The following ANK3 variants were observed in gnomAD, a reference collection of about 807,000 sequenced individuals.
The protein encoded by ANK3 is ankyrin-3.
Under a neutral mutation model 370.9 loss-of-function variants are expected in ANK3, and 57 were observed. The ratio of observed to expected loss-of-function variants is 0.15; its 90% CI spans 0.12 to 0.19. The LOEUF (loss-of-function observed/expected upper bound fraction) is 0.19. Ranked by LOEUF, ANK3 falls within the 10% of genes least tolerant of loss-of-function variation. The pLI, the probability that ANK3 is intolerant of heterozygous loss-of-function variation, is 1.00. For missense variants in ANK3, 4,439 were observed against 5,302.1 expected (o/e 0.84, Z 5.06); for synonymous variants, 1,929 against 1,946.3 (o/e 0.99, Z 0.23).
chr10:60,455,648 G>T (rs974407435), intron 2 of ANK3, among the ~76,000 whole-genome samples: 1 of 152,100 alleles, frequency 6.6e-6, no homozygotes, highest in Non-Finnish European at 1.5e-5. Flanking sequence ...AGTCAAAGAG[G>T]TGACTATAAT....
intron 1 of ANK3, among the ~76,000 whole-genome samples, chr10:60,336,422 G>A (rs776956336): frequency 6.6e-6 from 1 of 152,152 alleles, no homozygotes; most frequent in African/African-American, 2.4e-5. Context: ...TAAACTGTAA[G>A]CCCTGGATGC....
intron 26 of ANK3, among the ~76,000 whole-genome samples, chr10:60,110,851 G>A (rs965567412): frequency 6.6e-6 from 1 of 152,112 alleles, no homozygotes; most frequent in East Asian, 1.9e-4. Flanking sequence ...AGATTCAGTT[G>A]TGTCAGTACA....
At chr10:60,557,964 C>T (rs897064919) in intron 2 of ANK3, among the ~76,000 whole-genome samples, 1 of 152,084 alleles carries the variant, frequency 6.6e-6, no homozygotes, top group Non-Finnish European at 1.5e-5. Context: ...AATACAAAAA[C>T]TAGAACACAA....
At chr10:60,353,153 G>GTTTTTT (rs1481181095) in intron 1 of ANK3, among the ~76,000 whole-genome samples, 6 of 135,842 alleles carry the variant, frequency 4.4e-5, no homozygotes, top group South Asian at 2.5e-4. Flanking sequence ...GCTAATTTTT[G>GTTTTTT]TTTTGTTTTT....
intron 2 of ANK3, among the ~76,000 whole-genome samples, chr10:60,445,112 CTA>C (rs2064408696): frequency 6.6e-6 from 1 of 152,138 alleles, no homozygotes; most frequent in African/African-American, 2.4e-5. Context: ...ATTATTGAAA[CTA>C]TGTTTTAAAA....
In ANK3 at chr10:60,431,507, G is replaced by C. The variant is rs72806185; in HGVS notation, c.97-151868C>G. ...CTAACAGGCCACAGACCACTACTGG[G>C]GAATAAGGACCCCCGAAGTAAAGTA... is the stretch of plus-strand genomic sequence containing the variant. On this transcript the variant is annotated intron_variant, in intron 2 of 43. Coordinates refer to the ANK3 transcript ENST00000373827. 5.3e-3 allele frequency among the ~76,000 whole-genome samples: 805 copies of C among 152,170 alleles called. 4 individuals are homozygous for C. The highest frequency in any genetic ancestry group is 9.6e-3 in the South Asian group (46 of 4,814).
At chr10:60,050,580 T>A (rs115684492) in intron 42 of ANK3, 6 of 152,202 alleles carry the variant, frequency 3.9e-5, no homozygotes, top group African/African-American at 1.2e-4. Context: ...CTCAAGTTAT[T>A]TGGATCATAT....
chr10:60,069,765 C>T lies in ANK3; in HGVS notation c.11116G>A (p.Ala3706Thr), dbSNP rs368602474. Residue 3706 changes from alanine to threonine, a missense_variant, in exon 37 of 44, where the codon GCA becomes ACA. Coordinates refer to ENST00000280772, the MANE Select transcript of ANK3 (RefSeq NM_020987.5). ...ACTTTAGAGGTGTTAGTGGCTGCTG[C>T]TGATTTCTCCAGGGAGCCACTACTG... ...TSSSGSLEKSAAATNTSKVDP... is the reference protein window; with the variant it reads ...TSSSGSLEKSTAATNTSKVDP... 2.2e-5 allele frequency: 36 copies of T among 1,613,756 alleles called. No homozygotes were observed. Among genetic ancestry groups the T allele is most frequent in the Non-Finnish European group, 3.0e-5 (35 of 1,179,958 alleles).
intron 2 of ANK3, among the ~76,000 whole-genome samples, chr10:60,509,320 C>T (rs1342362606): frequency 2.0e-5 from 3 of 151,942 alleles, no homozygotes; most frequent in African/African-American, 7.2e-5. Context: ...CATATTGTGT[C>T]AAATACCAAA....
rs944249613 is a variant in ANK3, at chr10:60,056,010, G to A, written c.12713C>T (p.Thr4238Ile). The A allele has an allele frequency of 4.3e-6, 7 of 1,613,308 alleles. No homozygotes were observed. Among genetic ancestry groups the A allele is most frequent in the Non-Finnish European group, 5.9e-6 (7 of 1,179,888 alleles). Residue 4238 changes from threonine to isoleucine, a missense_variant, in exon 42 of 44, where the codon ACC becomes ATC. Thr to Ile is a moderately conservative substitution (Grantham distance 89). Around this residue, in one of 13 missense-constraint regions of ANK3, gnomAD observed 242 missense variants for 228.0 expected, o/e 1.06. Transcript: ENST00000280772. ...DSPDQCRDSI[T>I]SYLKGEAGKF... Reference sequence around the variant, plus strand: ...GCCAGCTTCTCCTTTGAGATATGAGGTAATGGAATCTCTACACTGGTCAGG... The same window carrying A: ...GCCAGCTTCTCCTTTGAGATATGAGATAATGGAATCTCTACACTGGTCAGG...
intron 43 of ANK3, among the ~76,000 whole-genome samples, chr10:60,031,220 T>C (rs1215097211): frequency 6.6e-6 from 1 of 152,210 alleles, no homozygotes; most frequent in Non-Finnish European, 1.5e-5. Flanking sequence ...GACAAACTTC[T>C]ACCACTGCAA....
intron 2 of ANK3, among the ~76,000 whole-genome samples, chr10:60,435,797 T>C (rs552588990): frequency 6.6e-6 from 1 of 152,342 alleles, no homozygotes; most frequent in East Asian, 1.9e-4. Context: ...CTTTCATTTG[T>C]CATGTTTTTA....
chr10:60,552,266 T>C (rs2133234149), intron 2 of ANK3, among the ~76,000 whole-genome samples: 1 of 152,344 alleles, frequency 6.6e-6, no homozygotes, highest in South Asian at 2.1e-4. Flanking sequence ...TCTTCATGTA[T>C]CTTCTAGTCT....
intron 2 of ANK3, among the ~76,000 whole-genome samples, chr10:60,524,978 C>A (rs2076435609): frequency 6.6e-6 from 1 of 152,054 alleles, no homozygotes; most frequent in Non-Finnish European, 1.5e-5. Context: ...TCAGTTTTTG[C>A]TTATTCAAAT....
intron 1 of ANK3, among the ~76,000 whole-genome samples, chr10:60,691,861 T>G (rs2079357830): frequency 6.6e-6 from 1 of 152,218 alleles, no homozygotes; most frequent in Admixed American, 6.5e-5. Flanking sequence ...TCTGAAATGT[T>G]TTCTGCCAAA....
intron 2 of ANK3, among the ~76,000 whole-genome samples, chr10:60,523,661 T>G (rs2076403590): frequency 6.6e-6 from 1 of 151,996 alleles, no homozygotes; most frequent in African/African-American, 2.4e-5. Context: ...TTTGGGTTGG[T>G]TCCAAGTCTT....
intron 8 of ANK3, among the ~76,000 whole-genome samples, chr10:60,231,292 T>A (rs2097240081): frequency 1.3e-5 from 2 of 152,202 alleles, no homozygotes; most frequent in African/African-American, 4.8e-5. Flanking sequence ...AAGAATCTTC[T>A]TTTAAACTGA....
At chr10:60,495,120 A>C (rs1383586646) in intron 2 of ANK3, among the ~76,000 whole-genome samples, 2 of 152,220 alleles carry the variant, frequency 1.3e-5, no homozygotes, top group African/African-American at 4.8e-5. Flanking sequence ...AGTAGCAAAA[A>C]GTTCAGGTCA....
chr10:60,490,452 T>C (rs997357263), intron 2 of ANK3, among the ~76,000 whole-genome samples: 1 of 151,776 alleles, frequency 6.6e-6, no homozygotes, highest in African/African-American at 2.4e-5. Context: ...ACTGTTGTCC[T>C]GCCTTCCTAC....
Sources: gnomAD v4.1 joint callset for allele counts (sites outside exome capture counted in the v4.1 genomes callset) on GRCh38, gnomAD v4.1.1 for gene constraint, gnomAD v4.1.1 regional missense constraint, MANE v1.5 for transcripts, NCBI Gene and HGNC (gene_info 2026-07-23, HGNC 2026-07-21) for gene names.